Variants in SLC13A5 observed in about 807,000 individuals in gnomAD.
SLC13A5 encodes the protein Na(+)/citrate cotransporter.
In SLC13A5, 25 loss-of-function variants were observed where a neutral mutation model predicts 56.5. The ratio of observed to expected loss-of-function variants is 0.44; its 90% CI spans 0.32 to 0.62. The LOEUF is 0.62. SLC13A5 is among the 20% of genes least tolerant of loss of function. The pLI is 0.04. For synonymous variants in SLC13A5, 307 were observed against 301.5 expected (o/e 1.02, Z -0.19); for missense variants, 649 against 737.8 (o/e 0.88, Z 1.39).
chr17:6,704,538 A>G (rs143281098), intron 3 of SLC13A5: 37 of 316,312 alleles, frequency 1.2e-4, no homozygotes, highest in African/African-American at 7.1e-4. Flanking sequence ...CAGAAGGGCT[A>G]AGCAGAGTAG....
intron 3 of SLC13A5, among the ~76,000 whole-genome samples, chr17:6,706,418 C>T (rs1249684546): frequency 6.6e-6 from 1 of 152,234 alleles, no homozygotes; most frequent in Non-Finnish European, 1.5e-5. Flanking sequence ...GACCCACCTC[C>T]TCTGGATTCG....
chr17:6,690,076 A>AAAAAC, intron 10 of SLC13A5: 1 of 112,954 alleles, frequency 8.9e-6, no homozygotes, highest in Non-Finnish European at 1.8e-5. Context: ...AAAAAAAAAA[A>AAAAAC]AAAAAAAAAA....
In SLC13A5 at chr17:6,687,506, G is replaced by A; in HGVS notation, c.1575+23C>T. On this transcript the variant is annotated intron_variant, in intron 11 of 11. Coordinates refer to ENST00000433363, the MANE Select transcript of SLC13A5 (RefSeq NM_177550.5). The surrounding 1 kb of genome is among the most constrained non-coding windows in gnomAD (Gnocchi z 5.0). ...ACAACAGCGTTATAGTCCGACGGGA[G>A]TAAATAAAAACAGCTGTGTTACCAT... is the stretch of plus-strand genomic sequence containing the variant. 3 of 1,613,230 alleles carry A rather than the reference G, an allele frequency of 1.9e-6. No individual in the cohort carries two copies. The South Asian group carries it at 3.3e-5, about 18-fold the overall frequency.
intron 1 of SLC13A5, among the ~76,000 whole-genome samples, chr17:6,710,629 C>A (rs1368202479): frequency 1.3e-5 from 2 of 152,112 alleles, no homozygotes; most frequent in African/African-American, 4.8e-5. Context: ...ACAGGCTTGA[C>A]CCCCCTAGTC....
At chr17:6,689,908 T>C (rs1053052044) in intron 10 of SLC13A5, 1 of 151,774 alleles carries the variant, frequency 6.6e-6, no homozygotes, top group Non-Finnish European at 1.5e-5. Context: ...CTCATCTTAC[T>C]TGGCCATCAG....
rs770012839 is a variant in SLC13A5 at position 6,694,142 on chromosome 17, G to C, written c.1111C>G (p.Pro371Ala). ...IFVATLLFIV[P>A]SQKPKFNFRS... ...AAGTTAAACTTGGGCTTCTGTGAAG[G>C]CACAATGAATAGCAGGGTGGCCACA... Residue 371 changes from proline (P) to alanine (A), a missense_variant, in exon 8 of 12, where the codon CCT (proline) becomes GCT (alanine). Transcript: ENST00000433363. 10 of 1,613,546 alleles carry C rather than the reference G, an allele frequency of 6.2e-6. No homozygotes were observed. The highest frequency in any genetic ancestry group is 7.6e-6 in the Non-Finnish European group (9 of 1,179,824).
At chr17:6,700,861 G>A in intron 6 of SLC13A5, 143 bp downstream of exon 6, 1 of 1,221,872 alleles carries the variant, frequency 8.2e-7, no homozygotes, top group Non-Finnish European at 1.1e-6. Flanking sequence ...GGAACAGGAG[G>A]GCAGACTAGC....
chr17:6,706,982 G>A, intron 2 of SLC13A5, 46 bp downstream of exon 2: 1 of 1,606,804 alleles, frequency 6.2e-7, no homozygotes, highest in South Asian at 1.1e-5. Context: ...GAGAAAGAGA[G>A]AAGGGGAGAA....
chr17:6,707,415 C>T (rs926056095), intron 1 of SLC13A5, among the ~76,000 whole-genome samples: 9 of 152,130 alleles, frequency 5.9e-5, no homozygotes, highest in Admixed American at 1.3e-4. Flanking sequence ...GTTCTAGGCA[C>T]GTTCTTTCAT....
Position 6,692,269 on chromosome 17 carries a change from A to ATGGATGGATGGATGGATGGATGGT in SLC13A5, c.1275+774_1275+775insACCATCCATCCATCCATCCATCCA, listed in dbSNP as rs1281104725. On this transcript the variant is annotated intron_variant, in intron 9 of 11. Transcript: ENST00000433363. The surrounding 1 kb of genome is among the most constrained non-coding windows in gnomAD (Gnocchi z 5.5). ...GATGGATGGATGGATGGATGGATGG[A>ATGGATGGATGGATGGATGGATGGT]TGGATGGACGGATGGACGGACGGAT... Among the ~76,000 whole-genome samples, 1 of 151,846 alleles carries ATGGATGGATGGATGGATGGATGGT rather than the reference A, an allele frequency of 6.6e-6. No individual in the cohort carries two copies. The highest frequency in any genetic ancestry group is 2.4e-5 in the African/African-American group (1 of 41,262).
intron 6 of SLC13A5, among the ~76,000 whole-genome samples, chr17:6,696,703 G>A (rs1973570973): frequency 6.6e-6 from 1 of 152,132 alleles, no homozygotes; most frequent in African/African-American, 2.4e-5. Flanking sequence ...TAGGACTAAG[G>A]CCTCAAGGTA....
rs117877047 is a variant in SLC13A5, at chr17:6,702,166, C to T, written c.716+804G>A. ...CCTGCGCCCACTGCCCTCCCCACCC[C>T]TGTCCAGGCTCCTGTCTGCAAAGGA... On this transcript the variant is annotated intron_variant, in intron 5 of 11. Transcript: ENST00000433363. 4.7e-4 allele frequency among the ~76,000 whole-genome samples: 72 copies of T among 152,338 alleles called. No individual in the cohort carries two copies. In the East Asian group the frequency reaches 0.013, roughly 28 times the overall value.
At chr17:6,707,283 G>T (rs1312030333) in intron 1 of SLC13A5, 127 bp from the exon 2 acceptor site, 4 of 1,271,330 alleles carry the variant, frequency 3.1e-6, no homozygotes, top group East Asian at 2.5e-5. Flanking sequence ...TCCCCTCAAA[G>T]TCATCTTGTT....
chr17:6,707,227 G>A, intron 1 of SLC13A5, 71 bp from the exon 2 acceptor site: 1 of 1,580,342 alleles, frequency 6.3e-7, no homozygotes, highest in East Asian at 2.3e-5. Context: ...ACTCCGGACG[G>A]CGGCTGGCAT....
intron 10 of SLC13A5, chr17:6,690,095 A>AAAAAAAAG (rs1567614265): frequency 8.4e-6 from 1 of 119,590 alleles, no homozygotes; most frequent in Non-Finnish European, 1.7e-5. Context: ...AAAAAAAAAA[A>AAAAAAAAG]CCATAGCCAC....
intron 4 of SLC13A5, 26 bp downstream of exon 4, chr17:6,703,852 T>C: frequency 6.6e-7 from 1 of 1,509,340 alleles, no homozygotes. Flanking sequence ...TGTTGTGGCC[T>C]GGCAGTGCCC....
At chr17:6,708,474 C>G (rs1447359772) in intron 1 of SLC13A5, among the ~76,000 whole-genome samples, 1 of 152,220 alleles carries the variant, frequency 6.6e-6, no homozygotes, top group East Asian at 1.9e-4. Flanking sequence ...TTGGAAATTG[C>G]AATGCGTAAG....
At position 6,692,213 on chromosome 17, in the gene SLC13A5, A is replaced by G. The variant is rs1464182049; in HGVS notation, c.1275+831T>C. 6.6e-6 allele frequency among the ~76,000 whole-genome samples: 1 copy of G among 150,394 alleles called. No individual in the cohort carries two copies. The highest frequency in any genetic ancestry group is 2.5e-5 in the African/African-American group (1 of 40,572). On this transcript the variant is annotated intron_variant, in intron 9 of 11. Coordinates refer to ENST00000433363, the MANE Select transcript of SLC13A5 (RefSeq NM_177550.5). This position sits in a 1 kb window ranked among gnomAD's most constrained non-coding sequence, Gnocchi z 5.5. ...GATAGATAGATGGGTGGATAGATAGATGGGTGGATGGATGGACAGATGGAT... is the reference window on the plus strand; with the variant it reads ...GATAGATAGATGGGTGGATAGATAGGTGGGTGGATGGATGGACAGATGGAT...
chr17:6,702,937 C>A (rs190122953), intron 5 of SLC13A5, 33 bp downstream of exon 5: 4 of 1,606,542 alleles, frequency 2.5e-6, no homozygotes, highest in Non-Finnish European at 1.7e-6. Context: ...GTACCCACTT[C>A]GTTGTCCCCA....
Sources: gnomAD v4.1 joint callset for allele counts (sites outside exome capture counted in the v4.1 genomes callset) on GRCh38, gnomAD v4.1.1 for gene constraint, Gnocchi (gnomAD v3.1) non-coding constraint, MANE v1.5 for transcripts, NCBI Gene and HGNC (gene_info 2026-07-23, HGNC 2026-07-21) for gene names.